Variants in RIMS1 observed in about 807,000 individuals in gnomAD.
RIMS1 encodes the protein regulating synaptic membrane exocytosis 1.
A neutral mutation model predicts 214.1 loss-of-function variants in RIMS1; 83 were observed. The observed-to-expected ratio is 0.39, with a 90% CI of 0.32 to 0.47. The LOEUF is 0.47. RIMS1 is among the 20% of genes least tolerant of loss of function. The pLI is 0.99. For missense variants in RIMS1, 2,050 were observed against 2,161.8 expected, an observed-to-expected ratio of 0.95 and a Z score of 1.03; for synonymous variants, 793 against 786.8, an observed-to-expected ratio of 1.01 and a Z score of -0.13.
intron 29 of RIMS1, among the ~76,000 whole-genome samples, chr6:72,383,875 A>G (rs2098539915): frequency 6.6e-6 from 1 of 152,160 alleles, no homozygotes; most frequent in Admixed American, 6.5e-5. Context: ...GTCACCTCAA[A>G]AATAAAAAAA....
intron 2 of RIMS1, among the ~76,000 whole-genome samples, chr6:72,034,270 G>A (rs1349197265): frequency 6.6e-6 from 1 of 151,962 alleles, no homozygotes; most frequent in Non-Finnish European, 1.5e-5. Flanking sequence ...TCCCTCAGTA[G>A]GACATACTAA....
At chr6:71,894,171 G>A (rs1362108841) in intron 1 of RIMS1, among the ~76,000 whole-genome samples, 3 of 152,208 alleles carry the variant, frequency 2.0e-5, no homozygotes, top group Non-Finnish European at 4.4e-5. Flanking sequence ...TCAGCCAGGC[G>A]TGGTGGCTCA....
intron 4 of RIMS1, among the ~76,000 whole-genome samples, chr6:72,162,748 A>G (rs1250367499): frequency 7.1e-6 from 1 of 140,476 alleles, no homozygotes; most frequent in Non-Finnish European, 1.6e-5. Context: ...AGTTTCTTCC[A>G]AGAGATCAGC....
intron 4 of RIMS1, among the ~76,000 whole-genome samples, chr6:72,122,500 C>G (rs1449461792): frequency 6.6e-6 from 1 of 151,694 alleles, no homozygotes; most frequent in African/African-American, 2.4e-5. Context: ...GCCACCACAC[C>G]CAGCCAGATT....
chr6:72,131,851 G>A (rs529256570), intron 4 of RIMS1, among the ~76,000 whole-genome samples: 15 of 152,216 alleles, frequency 9.9e-5, no homozygotes, highest in East Asian at 5.8e-4. Context: ...CAAGGGGGCC[G>A]TGTATAGACC....
At chr6:72,242,131 GAA>G (rs537761150) in intron 9 of RIMS1, among the ~76,000 whole-genome samples, 181 bp from the exon 10 acceptor site, 1 of 151,890 alleles carries the variant, frequency 6.6e-6, no homozygotes, top group African/African-American at 2.4e-5. Context: ...CAAAAGAAAA[GAA>G]AAAGTGTTTA....
intron 11 of RIMS1, 24 bp from the exon 12 acceptor site, chr6:72,247,991 A>C: frequency 7.0e-7 from 1 of 1,426,280 alleles, no homozygotes; most frequent in Non-Finnish European, 9.9e-7. Context: ...TACAAATATT[A>C]CTTACTTTTT....
intron 18 of RIMS1, 42 bp from the exon 19 acceptor site, chr6:72,260,663 A>G (rs371708735): frequency 1.8e-5 from 29 of 1,606,682 alleles, no homozygotes; most frequent in African/African-American, 2.7e-5. Flanking sequence ...CCCATGTCTC[A>G]TAATTTATCT....
At chr6:71,952,813 G>T (rs1393057400) in intron 1 of RIMS1, among the ~76,000 whole-genome samples, 2 of 152,040 alleles carry the variant, frequency 1.3e-5, no homozygotes, top group Admixed American at 1.3e-4. Flanking sequence ...CTCAGCTGGG[G>T]TTACTCATGC....
intron 4 of RIMS1, among the ~76,000 whole-genome samples, chr6:72,128,626 G>T (rs2039975841): frequency 6.6e-6 from 1 of 152,046 alleles, no homozygotes; most frequent in Non-Finnish European, 1.5e-5. Context: ...TTCACAATGT[G>T]TTTTCTATTG....
chr6:72,339,150 A>G (rs1354831666), intron 29 of RIMS1, among the ~76,000 whole-genome samples: 3 of 151,828 alleles, frequency 2.0e-5, no homozygotes, highest in Non-Finnish European at 4.4e-5. Flanking sequence ...AAGGACGAGA[A>G]TCATTCCAAG....
chr6:71,966,285 T>A (rs771957610), intron 1 of RIMS1, among the ~76,000 whole-genome samples: 4 of 152,226 alleles, frequency 2.6e-5, no homozygotes, highest in Non-Finnish European at 5.9e-5. Flanking sequence ...TGTGTTGTTT[T>A]CCTGTTATAT....
intron 1 of RIMS1, among the ~76,000 whole-genome samples, chr6:71,892,956 C>T (rs1273650118): frequency 6.6e-6 from 1 of 152,112 alleles, no homozygotes. Flanking sequence ...TCAAGATAAT[C>T]CATCCAAGCA....
At chr6:72,174,922 A>G (rs572625941) in intron 4 of RIMS1, among the ~76,000 whole-genome samples, 8 of 152,304 alleles carry the variant, frequency 5.3e-5, no homozygotes, top group African/African-American at 1.4e-4. Flanking sequence ...TAGCAATAAC[A>G]ACAATAAAAG....
intron 1 of RIMS1, among the ~76,000 whole-genome samples, chr6:71,940,501 T>G (rs751826446): frequency 6.6e-6 from 1 of 152,188 alleles, no homozygotes; most frequent in Non-Finnish European, 1.5e-5. Context: ...ACAGTAAACT[T>G]GCCCACAAGT....
chr6:72,221,497 T>C (rs1340147141), intron 6 of RIMS1, among the ~76,000 whole-genome samples: 2 of 152,058 alleles, frequency 1.3e-5, no homozygotes, highest in African/African-American at 4.8e-5. Flanking sequence ...AATGAGTTTC[T>C]CATTTGAAAA....
Position 72,227,078 on chromosome 6 carries a change from G to A in RIMS1, c.1679-6695G>A, listed in dbSNP as rs568697288. Among the ~76,000 whole-genome samples, 16 of 151,934 alleles carry A rather than the reference G, an allele frequency of 1.1e-4. No homozygotes were observed. In the South Asian group the frequency reaches 1.9e-3, roughly 18 times the overall value. On this transcript the variant is annotated intron_variant, in intron 6 of 33. Transcript: ENST00000521978. ...AGGATTAGTCACAAGTCTCCAACTC[G>A]GAGTACAAAGTTCTTTTTACTGCAT...
intron 1 of RIMS1, among the ~76,000 whole-genome samples, chr6:71,898,485 G>T (rs1011299609): frequency 2.0e-5 from 3 of 152,080 alleles, no homozygotes; most frequent in Admixed American, 2.0e-4. Context: ...GAACTAAATT[G>T]TATAGCCTGT....
intron 1 of RIMS1, among the ~76,000 whole-genome samples, chr6:71,935,077 G>A (rs1784080530): frequency 1.3e-5 from 2 of 152,158 alleles, no homozygotes; most frequent in South Asian, 2.1e-4. Flanking sequence ...AATATACAGA[G>A]AGAAAGCATC....
Sources: allele counts gnomAD v4.1 joint callset (sites outside exome capture counted in the v4.1 genomes callset), GRCh38; gene constraint gnomAD v4.1.1; transcripts MANE v1.5; gene names NCBI Gene and HGNC (gene_info 2026-07-23, HGNC 2026-07-21).